CLDN16: variants seen among roughly 807,000 people sequenced by gnomAD.
CLDN16 encodes claudin-16.
In CLDN16, 13 loss-of-function variants were observed where a neutral mutation model predicts 24.6. The ratio of observed to expected loss-of-function variants is 0.53; its 90% CI spans 0.34 to 0.84. The LOEUF (loss-of-function observed/expected upper bound fraction) is 0.84. Ranked by LOEUF, CLDN16 falls within the 40% of genes least tolerant of loss-of-function variation. CLDN16 has a pLI of 0.01. For synonymous variants in CLDN16, 116 were observed against 106.7 expected, an observed-to-expected ratio of 1.09 and a Z score of -0.54; for missense variants, 298 against 292.7, an observed-to-expected ratio of 1.02 and a Z score of -0.13.
At position 190,341,199 on chromosome 3, in the gene CLDN16, G is replaced by T. The variant is rs543744805; in HGVS notation, n.121+18538G>T. 9.2e-5 allele frequency among the ~76,000 whole-genome samples: 14 copies of T among 152,292 alleles called. No individual in the cohort carries two copies. In the South Asian group the frequency reaches 2.9e-3, roughly 32 times the overall value. On this transcript the variant is annotated intron_variant and non_coding_transcript_variant, in intron 1 of 4. Transcript: ENST00000468220. ...TTCGACTAGGTGGTGCCCCAGTAGGGACTCTATGTGGGGGCTCCAACCCCA... is the reference window on the plus strand; with the variant it reads ...TTCGACTAGGTGGTGCCCCAGTAGGTACTCTATGTGGGGGCTCCAACCCCA...
chr3:190,332,518 C>G (rs974297413), intron 1 of CLDN16, among the ~76,000 whole-genome samples: 8 of 152,100 alleles, frequency 5.3e-5, no homozygotes, highest in African/African-American at 1.9e-4. Context: ...CCTGGCATAG[C>G]CACTTACTCA....
upstream of CLDN16, among the ~76,000 whole-genome samples, chr3:190,385,359 A>G (rs1351240279): frequency 6.6e-6 from 1 of 152,158 alleles, no homozygotes; most frequent in African/African-American, 2.4e-5. Flanking sequence ...TTACTGCTCT[A>G]TCAGTTTGCA....
intron 4 of CLDN16, 106 bp from the exon 5 acceptor site, chr3:190,409,797 G>A: frequency 9.8e-7 from 1 of 1,018,456 alleles, no homozygotes; most frequent in Non-Finnish European, 1.5e-6. Flanking sequence ...TACCTTCTTT[G>A]AGTATCTATA....
At chr3:190,359,611 T>C (rs996935737) in intron 1 of CLDN16, among the ~76,000 whole-genome samples, 2 of 152,038 alleles carry the variant, frequency 1.3e-5, no homozygotes, top group African/African-American at 4.8e-5. Context: ...GGATATACAA[T>C]GCTCAATAAA....
At chr3:190,339,046 T>G (rs1237156338) in intron 1 of CLDN16, among the ~76,000 whole-genome samples, 3 of 151,994 alleles carry the variant, frequency 2.0e-5, no homozygotes, top group Non-Finnish European at 4.4e-5. Flanking sequence ...GATAAGACAG[T>G]GCAGCTCTCT....
At chr3:190,361,248 AT>A (rs1271196549) in intron 1 of CLDN16, among the ~76,000 whole-genome samples, 1 of 151,994 alleles carries the variant, frequency 6.6e-6, no homozygotes, top group African/African-American at 2.4e-5. Flanking sequence ...CCCATTAGCA[AT>A]TGGCTTTAAC....
intron 1 of CLDN16, among the ~76,000 whole-genome samples, chr3:190,344,148 C>G (rs7628189): frequency 0.047 from 7,172 of 151,746 alleles, 564 homozygotes; most frequent in African/African-American, 0.16. Context: ...TTTTGAAAAA[C>G]GCTTTGAAAG....
At chr3:190,324,952 A>G (rs961042084) in intron 1 of CLDN16, among the ~76,000 whole-genome samples, 4 of 152,218 alleles carry the variant, frequency 2.6e-5, no homozygotes, top group Non-Finnish European at 5.9e-5. Flanking sequence ...ATGGTATGGT[A>G]AGTGTCCTAG....
intron 3 of CLDN16, among the ~76,000 whole-genome samples, chr3:190,375,774 T>A (rs545943666): frequency 6.6e-6 from 1 of 152,006 alleles, no homozygotes; most frequent in Admixed American, 6.6e-5. Context: ...TTTTAGAAGA[T>A]TCGGCTTCTG....
intron 2 of CLDN16, among the ~76,000 whole-genome samples, chr3:190,404,098 G>A (rs1339940003): frequency 6.6e-6 from 1 of 152,002 alleles, no homozygotes; most frequent in Non-Finnish European, 1.5e-5. Context: ...AGTCACGTCT[G>A]GAAGAGATAA....
intron 3 of CLDN16, among the ~76,000 whole-genome samples, chr3:190,379,112 T>C (rs1259044659): frequency 6.6e-6 from 1 of 152,084 alleles, no homozygotes; most frequent in Non-Finnish European, 1.5e-5. Context: ...TTACATAGAT[T>C]GGCTTTCTAT....
the CLDN16 span, chr3:190,308,045 T>A: frequency 2.1e-6 from 1 of 479,686 alleles, no homozygotes; most frequent in Non-Finnish European, 3.8e-6. Flanking sequence ...TGGGAAGCAG[T>A]AATACAAATG....
At chr3:190,361,354 C>T (rs1371663779) in intron 1 of CLDN16, among the ~76,000 whole-genome samples, 3 of 151,964 alleles carry the variant, frequency 2.0e-5, no homozygotes, top group Non-Finnish European at 4.4e-5. Context: ...ACCTAACCGA[C>T]GCCATCTTGC....
At chr3:190,402,533 CTA>C in intron 2 of CLDN16, 94 bp downstream of exon 2, 1 of 963,008 alleles carries the variant, frequency 1.0e-6, no homozygotes, top group Non-Finnish European at 1.7e-6. Flanking sequence ...TTCTATTGTA[CTA>C]TATTAAGGTT....
At chr3:190,308,555 G>T in the CLDN16 span, 1 of 969,124 alleles carries the variant, frequency 1.0e-6, no homozygotes. Context: ...AATAACCCCT[G>T]AATATCCCTT....
intron 1 of CLDN16, among the ~76,000 whole-genome samples, chr3:190,399,885 G>A (rs752386752): frequency 6.6e-6 from 1 of 152,056 alleles, no homozygotes. Context: ...ACCTTCTGTC[G>A]GATCAGCGGC....
At chr3:190,340,271 A>G (rs543545483) in intron 1 of CLDN16, among the ~76,000 whole-genome samples, 1 of 152,320 alleles carries the variant, frequency 6.6e-6, no homozygotes, top group East Asian at 1.9e-4. Context: ...TGCCTACTGT[A>G]TTAGTCCATT....
At chr3:190,352,027 T>C (rs965546605) in intron 1 of CLDN16, among the ~76,000 whole-genome samples, 1 of 152,116 alleles carries the variant, frequency 6.6e-6, no homozygotes, top group African/African-American at 2.4e-5. Context: ...TTCTGCATTT[T>C]GCTTAGGTTG....
Position 190,399,857 on chromosome 3 carries a change from A to G in CLDN16, c.115-2480A>G, listed in dbSNP as rs530279706. Among the ~76,000 whole-genome samples the G allele has an allele frequency of 1.3e-3, 201 of 152,192 alleles. 1 individual carries two copies. The highest frequency in any genetic ancestry group is 4.5e-3 in the African/African-American group (188 of 41,538). ...GTGAGCAAGTGAGCATTACCGCCTAATGGTGGACAGAAGCTCCACCTTCTG... is the reference window on the plus strand; with the variant it reads ...GTGAGCAAGTGAGCATTACCGCCTAGTGGTGGACAGAAGCTCCACCTTCTG... On this transcript the variant is annotated intron_variant, in intron 1 of 4. Transcript: ENST00000264734.
Sources: gnomAD v4.1 joint callset for allele counts (sites outside exome capture counted in the v4.1 genomes callset) on GRCh38, gnomAD v4.1.1 for gene constraint, MANE v1.5 for transcripts, NCBI Gene and HGNC (gene_info 2026-07-23, HGNC 2026-07-21) for gene names.